Variants in NIPSNAP3B observed in about 807,000 individuals in gnomAD.
The protein encoded by NIPSNAP3B is protein NipSnap homolog 3B.
In NIPSNAP3B, 30 loss-of-function variants were observed where a neutral mutation model predicts 31.5. That is an observed-to-expected ratio of 0.95 (90% CI 0.71 to 1.29). The LOEUF is 1.29. Among genes scored for constraint, NIPSNAP3B ranks in the 50% most tolerant of loss-of-function variants. The pLI, the probability that NIPSNAP3B is intolerant of heterozygous loss-of-function variation, is 0.00. For missense variants in NIPSNAP3B, 269 were observed against 300.7 expected, an observed-to-expected ratio of 0.89 and a Z score of 0.78; for synonymous variants, 106 against 107.9, an observed-to-expected ratio of 0.98 and a Z score of 0.11.
rs1350552140 is a variant in NIPSNAP3B, at chr9:104,777,627, A to C, written c.*4554A>C. On this transcript the variant is annotated 3_prime_UTR_variant, in exon 6 of 6. Transcript: ENST00000374762. ...GTCATGAACCACCCAGAGTGTGTAC[A>C]AGGCTCCTGCCAGAAGAAATGCCTG... Among the ~76,000 whole-genome samples, 4 of 152,240 alleles carry C rather than the reference A, an allele frequency of 2.6e-5. No individual in the cohort carries two copies. The highest frequency in any genetic ancestry group is 6.5e-5 in the Admixed American group (1 of 15,282).
chr9:104,786,324 A>G, the NIPSNAP3B span: 2 of 1,614,142 alleles, frequency 1.2e-6, no homozygotes, highest in Non-Finnish European at 1.7e-6. Context: ...GGACACTGCC[A>G]AGGCACCTGA....
chr9:104,779,625 T>TTG (rs995343759), downstream of NIPSNAP3B, among the ~76,000 whole-genome samples: 2 of 151,852 alleles, frequency 1.3e-5, no homozygotes, highest in African/African-American at 4.8e-5. Context: ...AAGTGGGTTT[T>TTG]TTTTTTTTTT....
At position 104,773,037 on chromosome 9, in the gene NIPSNAP3B, G is replaced by T; in HGVS notation, c.708G>T (p.Met236Ile). 1.2e-6 allele frequency: 2 copies of T among 1,614,098 alleles called. No individual in the cohort carries two copies. Among genetic ancestry groups the T allele is most frequent in the Non-Finnish European group, 1.7e-6 (2 of 1,179,958 alleles). ...ACTACCTAGTTTCTCAGCAGAATATGCTTCTGATTCCTGCATCATTTTCAC... is the reference window on the plus strand; with the variant it reads ...ACTACCTAGTTTCTCAGCAGAATATTCTTCTGATTCCTGCATCATTTTCAC... ...SVNYLVSQQN[M>I]LLIPASFSPL... Residue 236 changes from methionine to isoleucine, a missense_variant, in exon 6 of 6, where the codon ATG (methionine) becomes ATT (isoleucine). Physicochemically the swap from Met to Ile is conservative, Grantham distance 10. Transcript: ENST00000374762.
At chr9:104,785,267 C>G in the NIPSNAP3B span, 30 of 1,256,704 alleles carry the variant, frequency 2.4e-5, no homozygotes, top group East Asian at 6.6e-4. Context: ...AAAAGCATAG[C>G]TAGGAATAGT....
At chr9:104,765,022 G>T (rs1294962170) in intron 1 of NIPSNAP3B, among the ~76,000 whole-genome samples, 1 of 152,130 alleles carries the variant, frequency 6.6e-6, no homozygotes, top group Non-Finnish European at 1.5e-5. Context: ...TTTTTAAACT[G>T]TAGATACTAA....
chr9:104,784,476 AC>A, the NIPSNAP3B span: 3 of 1,613,934 alleles, frequency 1.9e-6, no homozygotes, highest in Non-Finnish European at 1.7e-6. Flanking sequence ...ATTAAGATGG[AC>A]CTTTATAAAT....
chr9:104,788,095 G>A, the NIPSNAP3B span: 1 of 1,598,256 alleles, frequency 6.3e-7, no homozygotes, highest in Non-Finnish European at 8.6e-7. Flanking sequence ...TCTGGCTTGG[G>A]AATTTTATCA....
rs763288941 is a variant in NIPSNAP3B at position 104,776,193 on chromosome 9, C to T, written c.*3120C>T. On this transcript the variant is annotated 3_prime_UTR_variant, in exon 6 of 6. Transcript: ENST00000374762. ...CAGACCTGACCTAAGAGGCTTTTCT[C>T]TGAACTTGCTAAACATGCTCTTACC... Among the ~76,000 whole-genome samples, 1 of 152,158 alleles carries T rather than the reference C, an allele frequency of 6.6e-6. No homozygotes were observed. Among genetic ancestry groups the T allele is most frequent in the Non-Finnish European group, 1.5e-5 (1 of 68,028 alleles).
At chr9:104,771,693 G>T (rs1476544703) in intron 4 of NIPSNAP3B, among the ~76,000 whole-genome samples, 1 of 152,110 alleles carries the variant, frequency 6.6e-6, no homozygotes, top group African/African-American at 2.4e-5. Flanking sequence ...GAACATTCAC[G>T]TGCACATGTC....
the NIPSNAP3B span, among the ~76,000 whole-genome samples, chr9:104,784,731 C>A: frequency 6.6e-6 from 1 of 152,164 alleles, no homozygotes; most frequent in African/African-American, 2.4e-5. Flanking sequence ...GTAACCTCCA[C>A]CTCCTGGGTT....
In NIPSNAP3B at chr9:104,770,882, C is replaced by G. The variant is rs777949016; in HGVS notation, c.464C>G (p.Pro155Arg). 7 of 1,613,680 alleles carry G rather than the reference C, an allele frequency of 4.3e-6. No individual in the cohort carries two copies. Among genetic ancestry groups the G allele is most frequent in the African/African-American group, 1.3e-5 (1 of 75,012 alleles). The change falls in exon 4 of 6, where the codon CCT (proline) becomes CGT (arginine). Residue 155 changes from proline (P) to arginine (R), a missense_variant. Transcript: ENST00000374762. The part of the protein sequence containing the change: ...VYELAVFQMK[P>R]GGPALWGDAF... ...GAACTAGCTGTTTTTCAGATGAAAC[C>G]TGGTGGGCCAGCTCTGTGGGGTGAT...
the NIPSNAP3B span, among the ~76,000 whole-genome samples, chr9:104,787,281 A>G: frequency 6.6e-6 from 1 of 152,202 alleles, no homozygotes; most frequent in Non-Finnish European, 1.5e-5. Context: ...CATGACTGAT[A>G]AGTATATACA....
the NIPSNAP3B span, chr9:104,787,871 T>C: frequency 6.2e-7 from 1 of 1,613,836 alleles, no homozygotes; most frequent in Non-Finnish European, 8.5e-7. Context: ...AACAGTCATG[T>C]TTTCCACTCA....
rs1041703505 is a variant in NIPSNAP3B at position 104,768,099 on chromosome 9, A to T, written c.272-764A>T. ...ACTATATTATTTCACTTGTATTTTTAAAAAATATTTTTAATCTGCAGTTGG... is the reference window on the plus strand; with the variant it reads ...ACTATATTATTTCACTTGTATTTTTTAAAAATATTTTTAATCTGCAGTTGG... On this transcript the variant is annotated intron_variant, in intron 2 of 5. Transcript: ENST00000374762. Among the ~76,000 whole-genome samples, 6 of 152,270 alleles carry T rather than the reference A, an allele frequency of 3.9e-5. No individual in the cohort carries two copies. The South Asian group carries it at 6.2e-4, about 16-fold the overall frequency.
Position 104,773,116 on chromosome 9 carries a change from T to C in NIPSNAP3B, c.*43T>C. On this transcript the variant is annotated 3_prime_UTR_variant, in exon 6 of 6. Transcript: ENST00000374762. ...AAACATTTCATTAACTGCTCTAAGATGTGTCTGCTAATGGTGCTTAAATTC... is the reference window on the plus strand; with the variant it reads ...AAACATTTCATTAACTGCTCTAAGACGTGTCTGCTAATGGTGCTTAAATTC... 1 of 1,578,086 alleles carries C rather than the reference T, an allele frequency of 6.3e-7. No homozygotes were observed. Among genetic ancestry groups the C allele is most frequent in the Non-Finnish European group, 8.7e-7 (1 of 1,149,530 alleles).
In NIPSNAP3B at chr9:104,776,736, A is replaced by G. The variant is rs1490087151; in HGVS notation, c.*3663A>G. On this transcript the variant is annotated 3_prime_UTR_variant, in exon 6 of 6. Coordinates refer to ENST00000374762, the MANE Select transcript of NIPSNAP3B (RefSeq NM_018376.4). Reference sequence around the variant, plus strand: ...TCACCATAATTAATGTTTTACTTATATATGATTTGTTAATGTATGTCTCTT... The same window carrying G: ...TCACCATAATTAATGTTTTACTTATGTATGATTTGTTAATGTATGTCTCTT... 6.6e-6 allele frequency among the ~76,000 whole-genome samples: 1 copy of G among 152,210 alleles called. No homozygotes were observed. Among genetic ancestry groups the G allele is most frequent in the African/African-American group, 2.4e-5 (1 of 41,446 alleles).
At chr9:104,787,823 G>A in the NIPSNAP3B span, 1 of 1,612,234 alleles carries the variant, frequency 6.2e-7, no homozygotes, top group Non-Finnish European at 8.5e-7. Flanking sequence ...GGGAAGACAA[G>A]CCAATCATAC....
At chr9:104,765,017 A>ATT (rs1828060767) in intron 1 of NIPSNAP3B, among the ~76,000 whole-genome samples, 1 of 152,216 alleles carries the variant, frequency 6.6e-6, no homozygotes. Context: ...TAATATTTTT[A>ATT]AACTGTAGAT....
chr9:104,786,925 A>C, the NIPSNAP3B span: 1 of 1,614,092 alleles, frequency 6.2e-7, no homozygotes, highest in South Asian at 1.1e-5. Flanking sequence ...CTTAGGGCAC[A>C]ATTCCACAAG....
Sources: gnomAD v4.1 joint callset for allele counts (sites outside exome capture counted in the v4.1 genomes callset) on GRCh38, gnomAD v4.1.1 for gene constraint, MANE v1.5 for transcripts, NCBI Gene and HGNC (gene_info 2026-07-23, HGNC 2026-07-21) for gene names.